Variants in WDSUB1 observed in about 807,000 individuals in gnomAD.
The protein encoded by WDSUB1 is WD repeat, SAM and U-box domain-containing protein 1.
In WDSUB1, 49 loss-of-function variants were observed where a neutral mutation model predicts 53.9. The observed-to-expected ratio is 0.91, with a 90% CI of 0.72 to 1.15. The LOEUF (loss-of-function observed/expected upper bound fraction) is 1.15. Among genes scored for constraint, WDSUB1 ranks in the 50% most tolerant of loss-of-function variants. The probability of loss-of-function intolerance (pLI) is 0.00; values close to 1 mark genes in which losing one functional copy is unlikely to be tolerated. For synonymous variants in WDSUB1, 194 were observed against 200.6 expected (o/e 0.97, Z 0.28); for missense variants, 514 against 562.0 (o/e 0.91, Z 0.86).
chr2:159,246,963 GT>G (rs201919586), intron 10 of WDSUB1, among the ~76,000 whole-genome samples: 2 of 151,864 alleles, frequency 1.3e-5, no homozygotes, highest in Non-Finnish European at 1.5e-5. Flanking sequence ...GTCACGTGTG[GT>G]TTTTTTTGTA....
chr2:159,259,869 A>G, intron 5 of WDSUB1, 26 bp from the exon 6 acceptor site: 3 of 1,493,362 alleles, frequency 2.0e-6, no homozygotes, highest in Non-Finnish European at 2.7e-6. Context: ...ATTATAGGTG[A>G]AAAGTTCTAT....
chr2:159,265,718 T>C (rs1039346308), intron 5 of WDSUB1, among the ~76,000 whole-genome samples: 1 of 152,064 alleles, frequency 6.6e-6, no homozygotes, highest in Non-Finnish European at 1.5e-5. Flanking sequence ...AAAAAAAGAC[T>C]GACTCTTCCT....
chr2:159,238,409 G>A (rs554921018), intron 10 of WDSUB1, among the ~76,000 whole-genome samples: 13 of 152,212 alleles, frequency 8.5e-5, no homozygotes, highest in African/African-American at 2.9e-4. Context: ...ATCAGCTTCC[G>A]GAATAGCTGG....
chr2:159,254,184 T>G lies in WDSUB1; in HGVS notation c.1132+2012A>C, dbSNP rs1423960794. On this transcript the variant is annotated intron_variant, in intron 9 of 10. Coordinates refer to ENST00000359774, the MANE Select transcript of WDSUB1 (RefSeq NM_001128212.3). The stretch of plus-strand genomic sequence containing the variant: ...CATTTCACTGAACTTTGAAGTAAAA[T>G]GATTACTACTGCTAAACCTGAGACT... Among the ~76,000 whole-genome samples the G allele has an allele frequency of 2.0e-5, 3 of 152,378 alleles. No homozygotes were observed. In the East Asian group the frequency reaches 5.8e-4, roughly 29 times the overall value.
intron 5 of WDSUB1, among the ~76,000 whole-genome samples, chr2:159,260,990 A>G (rs552340223): frequency 2.6e-5 from 4 of 152,362 alleles, no homozygotes; most frequent in Admixed American, 2.0e-4. Flanking sequence ...AATCTTTGTC[A>G]TAAGTTCAAA....
chr2:159,252,029 AG>A (rs1308143893), intron 9 of WDSUB1, among the ~76,000 whole-genome samples: 2 of 152,228 alleles, frequency 1.3e-5, no homozygotes, highest in Non-Finnish European at 2.9e-5. Context: ...GAATTGAACA[AG>A]CACAGACCAC....
intron 5 of WDSUB1, among the ~76,000 whole-genome samples, chr2:159,264,158 T>C (rs959108548): frequency 4.6e-5 from 7 of 152,020 alleles, no homozygotes; most frequent in African/African-American, 1.7e-4. Context: ...CATACTCTGA[T>C]GATTTCAGCC....
At chr2:159,269,639 A>G (rs541708593) in intron 5 of WDSUB1, among the ~76,000 whole-genome samples, 242 of 152,336 alleles carry the variant, frequency 1.6e-3, no homozygotes, top group Non-Finnish European at 2.3e-3. Context: ...TTAGAATGAA[A>G]CTAACTTTTC....
intron 5 of WDSUB1, among the ~76,000 whole-genome samples, chr2:159,267,286 C>T (rs1451412149): frequency 7.0e-6 from 1 of 142,272 alleles, no homozygotes; most frequent in Non-Finnish European, 1.5e-5. Flanking sequence ...TTCATTAGTA[C>T]ACCTCTTTTT....
At chr2:159,258,018 T>C (rs748740535) in intron 6 of WDSUB1, 33 bp from the exon 7 acceptor site, 3 of 1,598,634 alleles carry the variant, frequency 1.9e-6, no homozygotes, top group South Asian at 2.2e-5. Context: ...TTAAATTTAC[T>C]CAAGTAAGAG....
intron 5 of WDSUB1, among the ~76,000 whole-genome samples, chr2:159,260,079 G>A (rs1262333523): frequency 6.6e-6 from 1 of 152,058 alleles, no homozygotes; most frequent in South Asian, 2.1e-4. Flanking sequence ...TGATTCGAGC[G>A]GATCATGAGG....
rs1646581651 is a variant in WDSUB1, at chr2:159,275,636, C to T, written c.586G>A (p.Gly196Arg). ...CGAAAAAACTGAAGACCTTGTTCTC[C>T]ATCTAAAATTTATTAAAAATAAATA... is the stretch of plus-strand genomic sequence containing the variant. ...CDFSSQPVSD[G>R]EQGLQFFRLA... Residue 196 changes from glycine (G) to arginine (R), a missense_variant and splice_region_variant, in exon 4 of 11, where the codon GGA (glycine) becomes AGA (arginine). Transcript: ENST00000359774. The T allele has an allele frequency of 6.3e-7, 1 of 1,588,132 alleles. No individual in the cohort carries two copies. Among genetic ancestry groups the T allele is most frequent in the African/African-American group, 1.4e-5 (1 of 72,866 alleles).
intron 10 of WDSUB1, among the ~76,000 whole-genome samples, chr2:159,238,917 C>G (rs2060564175): frequency 6.6e-6 from 1 of 152,094 alleles, no homozygotes; most frequent in African/African-American, 2.4e-5. Flanking sequence ...CAGCATGCTC[C>G]ACCTGCCATT....
rs566502777 is a variant in WDSUB1 at position 159,244,206 on chromosome 2, T to C, written c.1273+4166A>G. 5.3e-5 allele frequency among the ~76,000 whole-genome samples: 8 copies of C among 152,252 alleles called. No individual in the cohort carries two copies. In the South Asian group the frequency reaches 1.7e-3, roughly 32 times the overall value. On this transcript the variant is annotated intron_variant, in intron 10 of 10. Coordinates refer to ENST00000359774, the MANE Select transcript of WDSUB1 (RefSeq NM_001128212.3). ...ACACCACTTCTTTTCAACATTGTAC[T>C]GGAAATTCTGACCCAAAATAACATG...
chr2:159,240,918 C>G (rs2060627101), intron 10 of WDSUB1, among the ~76,000 whole-genome samples: 1 of 152,094 alleles, frequency 6.6e-6, no homozygotes, highest in Non-Finnish European at 1.5e-5. Flanking sequence ...TAGGCAGGTC[C>G]AAGAAAAACA....
chr2:159,244,685 G>A (rs2060747230), intron 10 of WDSUB1, among the ~76,000 whole-genome samples: 2 of 152,178 alleles, frequency 1.3e-5, no homozygotes, highest in Admixed American at 1.3e-4. Context: ...AGCACTTTGG[G>A]AGGACAAGGC....
chr2:159,257,876 A>G lies in WDSUB1; in HGVS notation c.846-12T>C, dbSNP rs1458710608. 6.2e-7 allele frequency: 1 copy of G among 1,612,946 alleles called. No individual in the cohort carries two copies. Among genetic ancestry groups the G allele is most frequent in the East Asian group, 2.2e-5 (1 of 44,890 alleles). On this transcript the variant is annotated splice_polypyrimidine_tract_variant and intron_variant, in intron 7 of 10. Coordinates refer to ENST00000359774, the MANE Select transcript of WDSUB1 (RefSeq NM_001128212.3). ...AAGTTGTGACATACCTAGTTAATAA[A>G]AACAACTATTATGTATCTTCTGACT...
Position 159,279,810 on chromosome 2 carries a change from T to C in WDSUB1, c.534A>G (p.Ala178=). 1 of 1,610,028 alleles carries C rather than the reference T, an allele frequency of 6.2e-7. No individual in the cohort carries two copies. The highest frequency in any genetic ancestry group is 1.7e-5 in the Admixed American group (1 of 59,962). The change falls in exon 3 of 11, where the codon GCA becomes GCG. Residue 178 remains alanine (A), a synonymous_variant. Transcript: ENST00000359774. The part of the protein sequence containing the change: ...DKMRCLHSEK[A]HDLGITCCDF... ...CGCAGCAGGTAATTCCAAGATCATG[T>C]GCTTTTTCACTATGCAGACACCTCA...
chr2:159,255,187 G>A (rs1211345649), intron 9 of WDSUB1, among the ~76,000 whole-genome samples: 1 of 152,054 alleles, frequency 6.6e-6, no homozygotes, highest in East Asian at 1.9e-4. Context: ...ACTGTACTTG[G>A]CCAGGCACGG....
Sources: gnomAD v4.1 joint callset for allele counts (sites outside exome capture counted in the v4.1 genomes callset) on GRCh38, gnomAD v4.1.1 for gene constraint, MANE v1.5 for transcripts, NCBI Gene and HGNC (gene_info 2026-07-23, HGNC 2026-07-21) for gene names.